The following TMEM178A variants were observed in gnomAD, a reference collection of about 807,000 sequenced individuals.
TMEM178A encodes transmembrane protein 178A, also known as transmembrane protein 178.
A neutral mutation model predicts 29.1 loss-of-function variants in TMEM178A; 12 were observed. That is an observed-to-expected ratio of 0.41 (90% CI 0.26 to 0.67). TMEM178A has a LOEUF of 0.67. Among genes scored for constraint, TMEM178A ranks in the 30% least tolerant of loss-of-function variants. The pLI, the probability that TMEM178A is intolerant of heterozygous loss-of-function variation, is 0.29. For synonymous variants in TMEM178A, 210 were observed against 187.2 expected (o/e 1.12, Z -0.99); for missense variants, 366 against 419.1 (o/e 0.87, Z 1.11).
chr2:39,714,078 G>A (rs992343030), intron 3 of TMEM178A, among the ~76,000 whole-genome samples: 1 of 152,114 alleles, frequency 6.6e-6, no homozygotes, highest in African/African-American at 2.4e-5. Flanking sequence ...TTAGAAATGC[G>A]AGGGTCTGAA....
chr2:39,720,553 T>C (rs1672683266), downstream of TMEM178A, among the ~76,000 whole-genome samples: 1 of 152,156 alleles, frequency 6.6e-6, no homozygotes, highest in Non-Finnish European at 1.5e-5. Context: ...ACATGCTGCA[T>C]TGCTTCAAAT....
intron 1 of TMEM178A, among the ~76,000 whole-genome samples, chr2:39,682,506 C>T (rs1157422851): frequency 1.3e-5 from 2 of 151,910 alleles, no homozygotes; most frequent in Non-Finnish European, 2.9e-5. Flanking sequence ...CACTTTGCTG[C>T]TTCTGCTGGC....
At chr2:39,720,983 A>G (rs1009132798), downstream of TMEM178A, among the ~76,000 whole-genome samples, 8 of 152,356 alleles carry the variant, frequency 5.3e-5, no homozygotes, top group Middle Eastern at 3.4e-3. Context: ...AGTAACCTCA[A>G]TATGGTTCTA....
intron 2 of TMEM178A, 75 bp downstream of exon 2, chr2:39,704,269 C>T: frequency 8.1e-7 from 1 of 1,241,190 alleles, no homozygotes; most frequent in South Asian, 1.3e-5. Context: ...CCTCTCACAT[C>T]TGGACAGAAG....
Position 39,679,396 on chromosome 2 carries a change from T to TAA in TMEM178A, c.400+13030_400+13031dup, listed in dbSNP as rs11384138. ...CCAAAGAAGATAAGGTACTTGGTGTTAAAAAAAAAGTAGTAATAGTGGTAG... is the reference window on the plus strand; with the variant it reads ...CCAAAGAAGATAAGGTACTTGGTGTTAAAAAAAAAAAGTAGTAATAGTGGTAG... On this transcript the variant is annotated intron_variant, in intron 1 of 3. Transcript: ENST00000281961. Among the ~76,000 whole-genome samples the TAA allele has an allele frequency of 7.2e-4, 108 of 151,026 alleles. 1 individual carries two copies. Among genetic ancestry groups the TAA allele is most frequent in the Non-Finnish European group, 1.3e-3 (89 of 67,698 alleles).
intron 1 of TMEM178A, among the ~76,000 whole-genome samples, chr2:39,668,629 T>C (rs987884892): frequency 6.6e-6 from 1 of 152,246 alleles, no homozygotes; most frequent in African/African-American, 2.4e-5. Context: ...CTTGCAAAGT[T>C]AATGAGCCAA....
downstream of TMEM178A, among the ~76,000 whole-genome samples, chr2:39,720,848 T>C (rs1672690032): frequency 6.6e-6 from 1 of 152,144 alleles, no homozygotes. Context: ...AGAATATAGC[T>C]TGGCAAGCAA....
chr2:39,674,605 C>T (rs1266546320), intron 1 of TMEM178A, among the ~76,000 whole-genome samples: 3 of 152,154 alleles, frequency 2.0e-5, no homozygotes, highest in Non-Finnish European at 4.4e-5. Flanking sequence ...TCTCACAAAT[C>T]ACCACTAAAG....
the TMEM178A span, among the ~76,000 whole-genome samples, chr2:39,732,515 G>A: frequency 6.6e-6 from 1 of 152,126 alleles, no homozygotes; most frequent in South Asian, 2.1e-4. Context: ...ACTTCAAGAT[G>A]GGCAGCTTAG....
At chr2:39,704,372 C>T (rs1671934184) in intron 2 of TMEM178A, among the ~76,000 whole-genome samples, 178 bp downstream of exon 2, 1 of 152,162 alleles carries the variant, frequency 6.6e-6, no homozygotes, top group African/African-American at 2.4e-5. Context: ...ACACAGTTTG[C>T]TTAAAAATAA....
chr2:39,669,965 G>T (rs1375647380), intron 1 of TMEM178A, among the ~76,000 whole-genome samples: 1 of 152,216 alleles, frequency 6.6e-6, no homozygotes, highest in Non-Finnish European at 1.5e-5. Flanking sequence ...TTGTGTTTGA[G>T]TTGGTCAGTT....
chr2:39,686,082 A>T (rs937896821), intron 1 of TMEM178A, among the ~76,000 whole-genome samples: 1 of 152,324 alleles, frequency 6.6e-6, no homozygotes, highest in African/African-American at 2.4e-5. Context: ...CCCTACACAC[A>T]TGGGGGCAGC....
chr2:39,689,362 T>C (rs1280739644), intron 1 of TMEM178A, among the ~76,000 whole-genome samples: 1 of 152,192 alleles, frequency 6.6e-6, no homozygotes, highest in Non-Finnish European at 1.5e-5. Context: ...ATTTCAGAGA[T>C]CTAGTTTAGT....
chr2:39,715,225 A>G (rs945098830), intron 3 of TMEM178A, among the ~76,000 whole-genome samples: 4 of 152,232 alleles, frequency 2.6e-5, no homozygotes, highest in East Asian at 1.9e-4. Flanking sequence ...GCATTCAGCT[A>G]TGTGCAAACA....
intron 3 of TMEM178A, among the ~76,000 whole-genome samples, chr2:39,712,463 T>C (rs2148115743): frequency 6.6e-6 from 1 of 152,358 alleles, no homozygotes; most frequent in South Asian, 2.1e-4. Context: ...TTTACTTCTG[T>C]CCTGATGTGA....
intron 1 of TMEM178A, among the ~76,000 whole-genome samples, chr2:39,679,121 A>G (rs886472135): frequency 1.3e-5 from 2 of 152,170 alleles, no homozygotes; most frequent in African/African-American, 2.4e-5. Context: ...ATTGTACTGT[A>G]TGGTTTCCTT....
chr2:39,713,289 C>T (rs1672393394), intron 3 of TMEM178A, among the ~76,000 whole-genome samples: 1 of 152,146 alleles, frequency 6.6e-6, no homozygotes, highest in South Asian at 2.1e-4. Context: ...TTGAGTAACA[C>T]TTAGAATAGC....
intron 1 of TMEM178A, among the ~76,000 whole-genome samples, chr2:39,689,282 C>T (rs971921313): frequency 6.6e-6 from 1 of 152,174 alleles, no homozygotes; most frequent in Non-Finnish European, 1.5e-5. Context: ...TGGGAAATTG[C>T]TAAAGCCATT....
chr2:39,722,881 C>G (rs1335063923), downstream of TMEM178A, among the ~76,000 whole-genome samples: 2 of 152,154 alleles, frequency 1.3e-5, no homozygotes, highest in Non-Finnish European at 2.9e-5. Context: ...ATGAACTGTA[C>G]CCTCAAGTTC....
Sources: allele counts gnomAD v4.1 joint callset (sites outside exome capture counted in the v4.1 genomes callset), GRCh38; gene constraint gnomAD v4.1.1; transcripts MANE v1.5; gene names NCBI Gene and HGNC (gene_info 2026-07-23, HGNC 2026-07-21).